PCNX3: variants seen among roughly 807,000 people sequenced by gnomAD.
The protein encoded by PCNX3 is pecanex 3.
A neutral mutation model predicts 207.2 loss-of-function variants in PCNX3; 58 were observed. The ratio of observed to expected loss-of-function variants is 0.28; its 90% CI spans 0.23 to 0.35. The LOEUF is 0.35. PCNX3 is among the 10% of genes least tolerant of loss of function. PCNX3 has a pLI of 1.00. For missense variants in PCNX3, 2,410 were observed against 2,774.4 expected (o/e 0.87, Z 2.95); for synonymous variants, 1,337 against 1,183.5 (o/e 1.13, Z -2.66).
chr11:65,618,193 T>C lies in PCNX3; in HGVS notation c.831T>C (p.Gly277=), dbSNP rs770960919. The stretch of plus-strand genomic sequence containing the variant: ...GACGGGAACAACGCAGGGGGGCAGG[T>C]GGCTATCAGCCCCTTGACCGGCGGG... The part of the protein sequence containing the change: ...SSRREQRRGA[G]GYQPLDRRGS... The change falls in exon 6 of 35, where the codon GGT becomes GGC. Residue 277 remains glycine (G), a synonymous_variant. Coordinates refer to ENST00000355703, the MANE Select transcript of PCNX3 (RefSeq NM_032223.4). 1.2e-6 allele frequency: 2 copies of C among 1,602,232 alleles called. No individual in the cohort carries two copies. Among genetic ancestry groups the C allele is most frequent in the Non-Finnish European group, 1.7e-6 (2 of 1,173,232 alleles).
chr11:65,616,827 C>A lies in PCNX3; in HGVS notation c.157C>A (p.Leu53Met). The A allele has an allele frequency of 6.2e-7, 1 of 1,610,300 alleles. No homozygotes were observed. Among genetic ancestry groups the A allele is most frequent in the East Asian group, 2.2e-5 (1 of 44,790 alleles). Residue 53 changes from leucine (L) to methionine (M), a missense_variant, in exon 2 of 35, where the codon CTG becomes ATG. Around this residue, in one of 8 missense-constraint regions of PCNX3, gnomAD observed 1,104 missense variants for 970.3 expected, o/e 1.14. Coordinates refer to ENST00000355703, the MANE Select transcript of PCNX3 (RefSeq NM_032223.4). ...CCTGGCTTACTTTCATCTTCAGGTC[C>A]TGCCTCCCAGCTTGATGGTGGCCGG... is the stretch of plus-strand genomic sequence containing the variant. ...LIFPFLLYMVLPPSLMVAGVY... is the reference protein window; with the variant it reads ...LIFPFLLYMVMPPSLMVAGVY...
At chr11:65,621,721 C>T (rs1855114155) in intron 10 of PCNX3, among the ~76,000 whole-genome samples, 1 of 152,224 alleles carries the variant, frequency 6.6e-6, no homozygotes. Context: ...GCTGGGGCCC[C>T]ACAAGTGCTT....
Position 65,636,942 on chromosome 11 carries a change from C to T in PCNX3, c.6069C>T (p.Ser2023=), listed in dbSNP as rs1855875923. 1.3e-6 allele frequency: 2 copies of T among 1,565,698 alleles called. No individual in the cohort carries two copies. The highest frequency in any genetic ancestry group is 2.4e-5 in the East Asian group (1 of 42,080). ...DWPAPIEERE[S]PAAQPLLEHQ... is the part of the protein sequence containing the mutation. The stretch of plus-strand genomic sequence containing the variant: ...CTGCCCCTATTGAGGAGCGTGAGAG[C>T]CCGGCAGCCCAGCCCCTGCTGGAAC... Residue 2023 remains serine (S), a synonymous_variant, in exon 35 of 35, where the codon AGC becomes AGT. Transcript: ENST00000355703.
rs373306759 is a variant in PCNX3, at chr11:65,628,670, T to C, written c.3778T>C (p.Phe1260Leu). The C allele has an allele frequency of 6.2e-7, 1 of 1,613,032 alleles. No individual in the cohort carries two copies. Among genetic ancestry groups the C allele is most frequent in the Non-Finnish European group, 8.5e-7 (1 of 1,179,844 alleles). ...APWQITWGSA[F>L]HAFAQPFAVP... Reference sequence around the variant, plus strand: ...CTGGCAGATCACCTGGGGCTCGGCTTTCCACGCTTTTGCCCAGCCGTTTGC... The same window carrying C: ...CTGGCAGATCACCTGGGGCTCGGCTCTCCACGCTTTTGCCCAGCCGTTTGC... The change falls in exon 23 of 35, where the codon TTC becomes CTC. Residue 1260 changes from phenylalanine (F) to leucine (L), a missense_variant. This residue lies in a region of PCNX3 where 420 missense variants were observed against 705.3 expected (regional missense o/e 0.60). Coordinates refer to ENST00000355703, the MANE Select transcript of PCNX3 (RefSeq NM_032223.4).
chr11:65,618,633 C>T lies in PCNX3; in HGVS notation c.1271C>T (p.Thr424Ile), dbSNP rs1460976853. 2 of 1,613,028 alleles carry T rather than the reference C, an allele frequency of 1.2e-6. No homozygotes were observed. The highest frequency in any genetic ancestry group is 1.7e-6 in the Non-Finnish European group (2 of 1,179,846). The change falls in exon 6 of 35, where the codon ACT becomes ATT. Residue 424 changes from threonine to isoleucine, a missense_variant. By Grantham distance (89) the Thr-to-Ile change is moderately conservative (BLOSUM62 -1). Transcript: ENST00000355703. ...EGGGFFEDED[T>I]SEGSELSPAS... is the part of the protein sequence containing the mutation. ...GGGGGCTTCTTTGAGGATGAAGACA[C>T]TAGTGAGGGCAGTGAACTGAGCCCG...
chr11:65,617,940 T>A lies in PCNX3; in HGVS notation c.578T>A (p.Ile193Asn). 1 of 1,573,142 alleles carries A rather than the reference T, an allele frequency of 6.4e-7. No homozygotes were observed. Among genetic ancestry groups the A allele is most frequent in the Non-Finnish European group, 8.6e-7 (1 of 1,162,072 alleles). Residue 193 changes from isoleucine to asparagine, a missense_variant and splice_region_variant, in exon 6 of 35, where the codon ATT becomes AAT. Physicochemically the swap from Ile to Asn is moderately radical, Grantham distance 149. This residue lies in a region of PCNX3 where 1,104 missense variants were observed against 970.3 expected (regional missense o/e 1.14). Transcript: ENST00000355703. ...TTTCTGTTTCCCTTTATTTTGGCAG[T>A]TGGAGACCTTCCCCAGACGCCTCCA... is the stretch of plus-strand genomic sequence containing the variant. ...MLKLSSQEKL[I>N]GDLPQTPPGA...
Position 65,625,958 on chromosome 11 carries a change from C to T in PCNX3, c.3283C>T (p.His1095Tyr), listed in dbSNP as rs1349603373. Residue 1095 changes from histidine (H) to tyrosine (Y), a missense_variant, in exon 20 of 35, where the codon CAT (histidine) becomes TAT (tyrosine). This residue lies in a region of PCNX3 where 333 missense variants were observed against 386.8 expected (regional missense o/e 0.86). Coordinates refer to ENST00000355703, the MANE Select transcript of PCNX3 (RefSeq NM_032223.4). The surrounding 1 kb of genome is among the most constrained non-coding windows in gnomAD (Gnocchi z 5.6). ...GGCTGGGGCCGTGGGCTTCTTCACACATTACCTGCTGCCACAACTCCGCAA... is the reference window on the plus strand; with the variant it reads ...GGCTGGGGCCGTGGGCTTCTTCACATATTACCTGCTGCCACAACTCCGCAA... The part of the protein sequence containing the change: ...ALAGAVGFFT[H>Y]YLLPQLRKQL... 6.2e-7 allele frequency: 1 copy of T among 1,613,844 alleles called. No homozygotes were observed. Among genetic ancestry groups the T allele is most frequent in the South Asian group, 1.1e-5 (1 of 91,090 alleles).
chr11:65,634,441 C>A, intron 28 of PCNX3, 85 bp downstream of exon 28: 2 of 1,504,824 alleles, frequency 1.3e-6, no homozygotes, highest in South Asian at 1.2e-5. Flanking sequence ...GGTTTCCTCT[C>A]ACTCTGAGCC....
rs985369802 is a variant in PCNX3, at chr11:65,616,055, G to A, written c.-257G>A. ...GCTCGGCCCCTCGGAGCAATTCTGGGCCAGGAGTGGGGACCCGGACCCCGC... is the reference window on the plus strand; with the variant it reads ...GCTCGGCCCCTCGGAGCAATTCTGGACCAGGAGTGGGGACCCGGACCCCGC... On this transcript the variant is annotated 5_prime_UTR_variant, in exon 1 of 35. Transcript: ENST00000355703. The A allele has an allele frequency of 2.0e-5, 6 of 296,664 alleles. No individual in the cohort carries two copies. Among genetic ancestry groups the A allele is most frequent in the Non-Finnish European group, 3.1e-5 (5 of 162,020 alleles). 18.4% of individuals were successfully genotyped at this position (296,664 alleles called of 1,614,324 possible).
intron 11 of PCNX3, among the ~76,000 whole-genome samples, chr11:65,622,948 A>T (rs1354715143): frequency 6.6e-6 from 1 of 151,484 alleles, no homozygotes; most frequent in Non-Finnish European, 1.5e-5. Context: ...TTGAAAATCG[A>T]GTGCTGTAAC....
Position 65,618,707 on chromosome 11 carries a change from T to C in PCNX3, c.1345T>C (p.Ser449Pro), listed in dbSNP as rs770360570. Residue 449 changes from serine (S) to proline (P), a missense_variant, in exon 6 of 35, where the codon TCT becomes CCT. By Grantham distance (74) the Ser-to-Pro change is moderately conservative. Around this residue, in one of 8 missense-constraint regions of PCNX3, gnomAD observed 1,104 missense variants for 970.3 expected, o/e 1.14. Coordinates refer to ENST00000355703, the MANE Select transcript of PCNX3 (RefSeq NM_032223.4). ...QRRYSTDSSS[S>P]TSCYSPESSR... The stretch of plus-strand genomic sequence containing the variant: ...CCGCTACAGTACTGACAGCTCCTCT[T>C]CTACTTCCTGCTACTCCCCTGAGAG... 7 of 1,612,856 alleles carry C rather than the reference T, an allele frequency of 4.3e-6. No individual in the cohort carries two copies. The Admixed American group carries it at 8.3e-5, about 19-fold the overall frequency.
chr11:65,619,562 C>G lies in PCNX3; in HGVS notation c.1731C>G (p.Asp577Glu). The G allele has an allele frequency of 6.2e-7, 1 of 1,610,262 alleles. No homozygotes were observed. The highest frequency in any genetic ancestry group is 8.5e-7 in the Non-Finnish European group (1 of 1,179,478). ...GGAAEETGRRDRSSSVRRTQA... is the reference protein window; with the variant it reads ...GGAAEETGRRERSSSVRRTQA... ...CGGCCGAGGAGACTGGCAGGCGGGA[C>G]CGCTCAAGCAGTGTGAGGCGGACCC... Residue 577 changes from aspartate to glutamate, a missense_variant, in exon 7 of 35, where the codon GAC becomes GAG. Around this residue, in one of 8 missense-constraint regions of PCNX3, gnomAD observed 1,104 missense variants for 970.3 expected, o/e 1.14. Transcript: ENST00000355703.
chr11:65,637,331 C>G lies in PCNX3; in HGVS notation c.*353C>G. 1 of 284,906 alleles carries G rather than the reference C, an allele frequency of 3.5e-6. No individual in the cohort carries two copies. Among genetic ancestry groups the G allele is most frequent in the East Asian group, 6.1e-5 (1 of 16,316 alleles). The allele number at this position is 284,906 out of a possible 1,614,324, so 17.6% of individuals were successfully genotyped here. A position where few individuals can be genotyped will look rare whatever the true frequency, so the allele number is the denominator to read the frequency against. ...GGCCCCCTTGGCCTGGACCTGGGGCCTGAATTGTGGGAAGGGTGGTTTCTT... is the reference window on the plus strand; with the variant it reads ...GGCCCCCTTGGCCTGGACCTGGGGCGTGAATTGTGGGAAGGGTGGTTTCTT... On this transcript the variant is annotated 3_prime_UTR_variant, in exon 35 of 35. Transcript: ENST00000355703.
intron 11 of PCNX3, 28 bp from the exon 12 acceptor site, chr11:65,623,463 G>T (rs1173854383): frequency 6.4e-7 from 1 of 1,567,074 alleles, no homozygotes. Context: ...GGCAAGACGG[G>T]CACGCCCTGA....
Position 65,623,956 on chromosome 11 carries a change from A to G in PCNX3, c.2539A>G (p.Met847Val), listed in dbSNP as rs750728980. 29 of 1,611,720 alleles carry G rather than the reference A, an allele frequency of 1.8e-5. No homozygotes were observed. The highest frequency in any genetic ancestry group is 2.1e-5 in the Non-Finnish European group (25 of 1,179,844). ...KSVQPDAASP[M>V]HGHNWVIAYS... ...CGTGCAGCCTGATGCGGCGTCCCCCATGCACGTGAGTACCCATGGAGCAGC... is the reference window on the plus strand; with the variant it reads ...CGTGCAGCCTGATGCGGCGTCCCCCGTGCACGTGAGTACCCATGGAGCAGC... The change falls in exon 13 of 35, where the codon ATG becomes GTG. Residue 847 changes from methionine (M) to valine (V), a missense_variant. Around this residue, in one of 8 missense-constraint regions of PCNX3, gnomAD observed 177 missense variants for 257.5 expected, o/e 0.69. Transcript: ENST00000355703.
chr11:65,629,682 T>C lies in PCNX3; in HGVS notation c.4163T>C (p.Ile1388Thr). The C allele has an allele frequency of 6.4e-7, 1 of 1,567,080 alleles. No individual in the cohort carries two copies. Among genetic ancestry groups the C allele is most frequent in the Non-Finnish European group, 8.6e-7 (1 of 1,156,140 alleles). ...SDYLNALVHLIEVGNGLVTFQ... is the reference protein window; with the variant it reads ...SDYLNALVHLTEVGNGLVTFQ... ...TACCTCAACGCCCTGGTGCACCTCATCGAGGTTGGCAATGGCCTCGTCACC... is the reference window on the plus strand; with the variant it reads ...TACCTCAACGCCCTGGTGCACCTCACCGAGGTTGGCAATGGCCTCGTCACC... The change falls in exon 26 of 35, where the codon ATC (isoleucine) becomes ACC (threonine). Residue 1388 changes from isoleucine (I) to threonine (T), a missense_variant. This residue lies in a region of PCNX3 where 420 missense variants were observed against 705.3 expected (regional missense o/e 0.60). Coordinates refer to ENST00000355703, the MANE Select transcript of PCNX3 (RefSeq NM_032223.4).
At chr11:65,630,843 G>T (rs1264437187) in intron 27 of PCNX3, among the ~76,000 whole-genome samples, 1 of 152,236 alleles carries the variant, frequency 6.6e-6, no homozygotes, top group African/African-American at 2.4e-5. Context: ...TGGGCAGTGA[G>T]TATGGGGCAG....
intron 32 of PCNX3, 93 bp from the exon 33 acceptor site, chr11:65,636,081 G>A: frequency 6.6e-7 from 1 of 1,509,636 alleles, no homozygotes; most frequent in Non-Finnish European, 9.0e-7. Context: ...AGAGGTGTTA[G>A]ATGACTTGTC....
Position 65,637,227 on chromosome 11 carries a change from G to A in PCNX3, c.*249G>A. 1.8e-6 allele frequency: 1 copy of A among 548,996 alleles called. No individual in the cohort carries two copies. Among genetic ancestry groups the A allele is most frequent in the Non-Finnish European group, 3.3e-6 (1 of 306,412 alleles). 34.0% of individuals were successfully genotyped at this position (548,996 alleles called of 1,614,324 possible). Reference sequence around the variant, plus strand: ...TCAGCCTCCCAGCCAGGCCCTAAGAGCCAAACCATGGGCTGGTCCCACTTG... The same window carrying A: ...TCAGCCTCCCAGCCAGGCCCTAAGAACCAAACCATGGGCTGGTCCCACTTG... On this transcript the variant is annotated 3_prime_UTR_variant, in exon 35 of 35. Coordinates refer to ENST00000355703, the MANE Select transcript of PCNX3 (RefSeq NM_032223.4).
Sources: gnomAD v4.1 joint callset for allele counts (sites outside exome capture counted in the v4.1 genomes callset) on GRCh38, gnomAD v4.1.1 for gene constraint, gnomAD v4.1.1 regional missense constraint, Gnocchi (gnomAD v3.1) non-coding constraint, MANE v1.5 for transcripts, NCBI Gene and HGNC (gene_info 2026-07-23, HGNC 2026-07-21) for gene names.